Variants in RIPOR2 observed in about 807,000 individuals in gnomAD.
RIPOR2 encodes the protein rho family-interacting cell polarization regulator 2.
A neutral mutation model predicts 114.5 loss-of-function variants in RIPOR2; 39 were observed. That is an observed-to-expected ratio of 0.34 (90% confidence interval 0.26 to 0.44). The LOEUF (loss-of-function observed/expected upper bound fraction) is 0.44, where lower values mean the gene tolerates loss of function less well. Among genes scored for constraint, RIPOR2 ranks in the 20% least tolerant of loss-of-function variants. RIPOR2 has a pLI of 1.00. For synonymous variants in RIPOR2, 445 were observed against 484.4 expected (o/e 0.92, Z 1.07); for missense variants, 1,007 against 1,255.1 (o/e 0.80, Z 2.99).
At chr6:24,978,257 T>C (rs906585619) in intron 1 of RIPOR2, among the ~76,000 whole-genome samples, 17 of 152,148 alleles carry the variant, frequency 1.1e-4, no homozygotes, top group Non-Finnish European at 2.1e-4. Context: ...GGCACGGTTT[T>C]AGGCATATCC....
intron 1 of RIPOR2, among the ~76,000 whole-genome samples, chr6:24,892,468 A>T (rs936587563): frequency 2.0e-5 from 3 of 152,202 alleles, no homozygotes; most frequent in African/African-American, 7.2e-5. Flanking sequence ...AACTGTTTGA[A>T]GGCCACTTTT....
intron 13 of RIPOR2, chr6:24,840,878 A>G: frequency 9.0e-7 from 1 of 1,108,384 alleles, no homozygotes; most frequent in Non-Finnish European, 1.3e-6. Flanking sequence ...CACACTCACT[A>G]GTGATGTTTT....
At chr6:24,913,473 G>A (rs1472997572) in intron 1 of RIPOR2, among the ~76,000 whole-genome samples, 1 of 152,182 alleles carries the variant, frequency 6.6e-6, no homozygotes, top group African/African-American at 2.4e-5. Context: ...AGACCCCACA[G>A]TTCCTCCCAC....
intron 1 of RIPOR2, among the ~76,000 whole-genome samples, chr6:24,880,919 C>G (rs756431251): frequency 1.3e-5 from 2 of 152,142 alleles, no homozygotes; most frequent in African/African-American, 2.4e-5. Context: ...CACCAGATGC[C>G]ATATCTATTA....
chr6:24,839,581 T>G (rs1367157301), intron 13 of RIPOR2: 2 of 1,516,202 alleles, frequency 1.3e-6, no homozygotes, highest in South Asian at 2.4e-5. Flanking sequence ...TGGGATCCAT[T>G]AGAGGATCTT....
At chr6:25,003,761 T>C (rs886458079) in intron 1 of RIPOR2, among the ~76,000 whole-genome samples, 8 of 152,212 alleles carry the variant, frequency 5.3e-5, no homozygotes, top group Non-Finnish European at 7.3e-5. Flanking sequence ...GCATTACCTC[T>C]TATTCCAAGC....
intron 1 of RIPOR2, among the ~76,000 whole-genome samples, chr6:24,990,113 C>A (rs1774735175): frequency 6.6e-6 from 1 of 152,118 alleles, no homozygotes; most frequent in African/African-American, 2.4e-5. Context: ...CATACTATAT[C>A]AAAAATAAAA....
chr6:25,024,239 T>G (rs913691070), intron 1 of RIPOR2: 181 of 1,527,956 alleles, frequency 1.2e-4, no homozygotes, highest in Non-Finnish European at 6.3e-5. Context: ...CCTCATACAG[T>G]GTGCTGGACT....
At chr6:24,921,154 A>ATC (rs978223945) in intron 1 of RIPOR2, among the ~76,000 whole-genome samples, 2 of 151,446 alleles carry the variant, frequency 1.3e-5, no homozygotes, top group East Asian at 1.9e-4. Context: ...AACCTCTTAG[A>ATC]TCTCTCTCTC....
chr6:24,987,236 T>C (rs1049455087), intron 1 of RIPOR2, among the ~76,000 whole-genome samples: 1 of 152,244 alleles, frequency 6.6e-6, no homozygotes, highest in Non-Finnish European at 1.5e-5. Context: ...GGAAAGAGTA[T>C]GGTCCAAAGA....
chr6:24,806,160 C>T lies in RIPOR2; in HGVS notation c.*213G>A. ...AGAGACAGGGCCTTGCTATGTTGCC[C>T]AGGTTGGTCTTGAACCTCCTGGGCT... On this transcript the variant is annotated 3_prime_UTR_variant, in exon 22 of 22. Coordinates refer to ENST00000643898, the MANE Select transcript of RIPOR2 (RefSeq NM_001286445.3). 2 of 544,522 alleles carry T rather than the reference C, an allele frequency of 3.7e-6. No homozygotes were observed. Among genetic ancestry groups the T allele is most frequent in the East Asian group, 6.5e-5 (2 of 30,966 alleles). The allele number at this position is 544,522 out of a possible 1,614,324, so 33.7% of individuals were successfully genotyped here. A position where few individuals can be genotyped will look rare whatever the true frequency, so the allele number is the denominator to read the frequency against.
rs970439649 is a variant in RIPOR2 at position 24,805,214 on chromosome 6, A to C, written c.*1159T>G. 1.3e-5 allele frequency: 2 copies of C among 149,916 alleles called. No individual in the cohort carries two copies. The highest frequency in any genetic ancestry group is 3.0e-5 in the Non-Finnish European group (2 of 67,730). 9.3% of individuals were successfully genotyped at this position (149,916 alleles called of 1,614,324 possible). ...AAAACACCCCTATGGTAAGAATATC[A>C]TAAAAAATAGCTCTCATTAATTAAA... On this transcript the variant is annotated 3_prime_UTR_variant, in exon 22 of 22. Transcript: ENST00000643898.
chr6:24,830,797 C>T lies in RIPOR2; in HGVS notation c.2345-127G>A, dbSNP rs1419747224. 6 of 923,854 alleles carry T rather than the reference C, an allele frequency of 6.5e-6. No individual in the cohort carries two copies. The East Asian group carries it at 1.7e-4, about 26-fold the overall frequency. 57.2% of individuals were successfully genotyped at this position (923,854 alleles called of 1,614,324 possible). On this transcript the variant is annotated intron_variant, in intron 16 of 21. Coordinates refer to ENST00000643898, the MANE Select transcript of RIPOR2 (RefSeq NM_001286445.3). ...ATGGCATGATCTCAGCTCACTGGAA[C>T]TTCCGCCTCCTGGGTTCAAGTGATT...
intron 1 of RIPOR2, among the ~76,000 whole-genome samples, chr6:25,039,522 A>G (rs144295359): frequency 3.2e-4 from 49 of 152,352 alleles, no homozygotes; most frequent in African/African-American, 1.2e-3. Flanking sequence ...CTATTAATAT[A>G]TCATTTCATA....
intron 3 of RIPOR2, 85 bp from the exon 4 acceptor site, chr6:24,873,044 G>A (rs1765366815): frequency 1.1e-6 from 1 of 904,914 alleles, no homozygotes; most frequent in Non-Finnish European, 1.8e-6. Context: ...CCTTCTCAAA[G>A]GGGATTAAGA....
chr6:24,866,670 G>A (rs1459043576), intron 6 of RIPOR2, among the ~76,000 whole-genome samples: 1 of 151,910 alleles, frequency 6.6e-6, no homozygotes, highest in Non-Finnish European at 1.5e-5. Flanking sequence ...CTGTTCTAAA[G>A]TTATTCCTAA....
chr6:25,023,625 G>A, intron 1 of RIPOR2: 4 of 763,694 alleles, frequency 5.2e-6, no homozygotes, highest in South Asian at 2.7e-5. Flanking sequence ...GTGTGGTAAA[G>A]GATGGTGCCT....
Position 24,960,622 on chromosome 6 carries a change from G to A in RIPOR2, c.76+81229C>T, listed in dbSNP as rs560227939. ...CTCACTGCAGCCTTGACCTCCCCTG[G>A]TGCAGTTGATCCTCCCACCTCAGCC... is the stretch of plus-strand genomic sequence containing the variant. On this transcript the variant is annotated intron_variant, in intron 1 of 13. Coordinates refer to the RIPOR2 transcript ENST00000510784. Among the ~76,000 whole-genome samples the A allele has an allele frequency of 6.6e-5, 10 of 152,170 alleles. No homozygotes were observed. The South Asian group carries it at 1.2e-3, about 19-fold the overall frequency.
chr6:24,913,223 TC>T (rs1769812394), intron 1 of RIPOR2, among the ~76,000 whole-genome samples: 1 of 152,036 alleles, frequency 6.6e-6, no homozygotes, highest in South Asian at 2.1e-4. Flanking sequence ...ATGGAGTGGC[TC>T]CCCAAGCTGC....
Sources: gnomAD v4.1 joint callset for allele counts (sites outside exome capture counted in the v4.1 genomes callset) on GRCh38, gnomAD v4.1.1 for gene constraint, MANE v1.5 for transcripts, NCBI Gene and HGNC (gene_info 2026-07-23, HGNC 2026-07-21) for gene names.